The following KCNH8 variants were observed in gnomAD, a reference collection of about 807,000 sequenced individuals.
KCNH8 encodes the protein potassium voltage-gated channel subfamily H member 8.
A neutral mutation model predicts 103.6 loss-of-function variants in KCNH8; 70 were observed. The ratio of observed to expected loss-of-function variants is 0.68; its 90% CI spans 0.56 to 0.82. The LOEUF (loss-of-function observed/expected upper bound fraction) is 0.82, where lower values mean the gene tolerates loss of function less well. KCNH8 is among the 40% of genes least tolerant of loss of function. KCNH8 has a pLI of 0.00. For synonymous variants in KCNH8, 498 were observed against 489.4 expected (o/e 1.02, Z -0.23); for missense variants, 1,217 against 1,329.9 (o/e 0.92, Z 1.32).
Position 19,148,525 on chromosome 3 carries a change from C to T in KCNH8, c.-195C>T, listed in dbSNP as rs1283915823. ...CTCGGGGAGCGCTCTTGGGGCTCCT[C>T]CTGCCACAGCCGGGGCGGCTGGAAC... On this transcript the variant is annotated 5_prime_UTR_variant, in exon 1 of 16. Transcript: ENST00000328405. The T allele has an allele frequency of 2.1e-5, 13 of 606,492 alleles. No homozygotes were observed. The highest frequency in any genetic ancestry group is 3.2e-5 in the Non-Finnish European group (11 of 338,972). 37.6% of individuals were successfully genotyped at this position (606,492 alleles called of 1,614,324 possible). A position where few individuals can be genotyped will look rare whatever the true frequency, so the allele number is the denominator to read the frequency against.
At chr3:19,287,817 C>G (rs1406756061) in intron 3 of KCNH8, among the ~76,000 whole-genome samples, 1 of 152,170 alleles carries the variant, frequency 6.6e-6, no homozygotes, top group Non-Finnish European at 1.5e-5. Context: ...ATCTTGTGAC[C>G]TCGTGATCCA....
intron 3 of KCNH8, among the ~76,000 whole-genome samples, chr3:19,339,842 G>C (rs2065634114): frequency 6.6e-6 from 1 of 151,960 alleles, no homozygotes; most frequent in Non-Finnish European, 1.5e-5. Flanking sequence ...TGAAAGACTT[G>C]GAGTGAAGTC....
At chr3:19,376,731 G>A (rs993735324) in intron 5 of KCNH8, among the ~76,000 whole-genome samples, 8 of 152,144 alleles carry the variant, frequency 5.3e-5, no homozygotes, top group African/African-American at 1.9e-4. Flanking sequence ...AGGAAGCTTT[G>A]AACATTTTTA....
chr3:19,313,893 C>T (rs2065239186), intron 3 of KCNH8, among the ~76,000 whole-genome samples: 2 of 151,664 alleles, frequency 1.3e-5, no homozygotes, highest in Non-Finnish European at 2.9e-5. Flanking sequence ...CAATGCCAGT[C>T]CTTAAATGGT....
chr3:19,347,345 A>ACAAGTATAC (rs1310479157), intron 4 of KCNH8, among the ~76,000 whole-genome samples: 4 of 152,158 alleles, frequency 2.6e-5, no homozygotes, highest in Non-Finnish European at 5.9e-5. Context: ...TCAGAAATCT[A>ACAAGTATAC]CAAGTATACA....
chr3:19,510,939 A>T (rs897625218), intron 12 of KCNH8, among the ~76,000 whole-genome samples: 3 of 152,230 alleles, frequency 2.0e-5, no homozygotes, highest in Non-Finnish European at 4.4e-5. Context: ...CTAATGCATT[A>T]TGAAGACATT....
At chr3:19,266,152 T>C (rs1559450349) in intron 2 of KCNH8, among the ~76,000 whole-genome samples, 1 of 152,056 alleles carries the variant, frequency 6.6e-6, no homozygotes, top group Non-Finnish European at 1.5e-5. Flanking sequence ...CCTTTCAGGA[T>C]AAATAAAAAC....
rs115142666 is a variant in KCNH8, at chr3:19,521,896, C to T, written c.2619+3822C>T. ...GATATTACAATAAACATATAATTGG[C>T]AAAATGATAATAAAAACCAGATGGA... On this transcript the variant is annotated intron_variant, in intron 15 of 15. Coordinates refer to ENST00000328405, the MANE Select transcript of KCNH8 (RefSeq NM_144633.3). Among the ~76,000 whole-genome samples the T allele has an allele frequency of 2.0e-3, 304 of 151,826 alleles. 2 individuals are homozygous for T. The highest frequency in any genetic ancestry group is 6.5e-3 in the African/African-American group (271 of 41,446).
chr3:19,362,098 A>C (rs985872985), intron 5 of KCNH8, among the ~76,000 whole-genome samples: 1 of 152,142 alleles, frequency 6.6e-6, no homozygotes, highest in South Asian at 2.1e-4. Context: ...ATTGTCGATA[A>C]TGTAGGGGAG....
intron 3 of KCNH8, among the ~76,000 whole-genome samples, chr3:19,282,058 A>G (rs927166285): frequency 6.6e-5 from 10 of 152,112 alleles, no homozygotes; most frequent in Admixed American, 2.6e-4. Flanking sequence ...GTGGATTTCT[A>G]TGTAGTAAGT....
rs117986996 is a variant in KCNH8 at position 19,230,095 on chromosome 3, A to T, written c.77-23559A>T. The stretch of plus-strand genomic sequence containing the variant: ...GAAGTTGCAAAAGGGGAAACCCATG[A>T]TAAAACCATCAGAGCTCATGAGACT... On this transcript the variant is annotated intron_variant, in intron 1 of 15. Coordinates refer to ENST00000328405, the MANE Select transcript of KCNH8 (RefSeq NM_144633.3). Among the ~76,000 whole-genome samples, 186 of 152,278 alleles carry T rather than the reference A, an allele frequency of 1.2e-3. 3 individuals carry two copies. The East Asian group carries it at 0.028, about 23-fold the overall frequency.
At chr3:19,439,181 A>G (rs774567558) in intron 8 of KCNH8, among the ~76,000 whole-genome samples, 10 of 152,238 alleles carry the variant, frequency 6.6e-5, no homozygotes, top group African/African-American at 1.2e-4. Flanking sequence ...ACATTAAAAA[A>G]TTAGGAAATT....
At chr3:19,510,757 C>T (rs2068770208) in intron 12 of KCNH8, among the ~76,000 whole-genome samples, 1 of 152,068 alleles carries the variant, frequency 6.6e-6, no homozygotes, top group African/African-American at 2.4e-5. Flanking sequence ...GAGAGATATT[C>T]TGGAACCATG....
rs1441267765 is a variant in KCNH8, at chr3:19,451,357, C to T, written c.1778C>T (p.Ser593Leu). 5.0e-6 allele frequency: 8 copies of T among 1,613,468 alleles called. No individual in the cohort carries two copies. The highest frequency in any genetic ancestry group is 2.2e-5 in the South Asian group (2 of 91,068). The change falls in exon 10 of 16, where the codon TCG (serine) becomes TTG (leucine). Residue 593 changes from serine to leucine, a missense_variant. This residue lies in a region of KCNH8 where 415 missense variants were observed against 577.4 expected (regional missense o/e 0.72). Transcript: ENST00000328405. ...TTGCAGGCCATCTACTTTGTATGCT[C>T]GGGCTCCATGGAAGTTCTTAAAGAC... ...DALQAIYFVC[S>L]GSMEVLKDSM...
chr3:19,517,551 T>C (rs971121785), intron 14 of KCNH8, among the ~76,000 whole-genome samples: 2 of 151,948 alleles, frequency 1.3e-5, no homozygotes, highest in Admixed American at 6.6e-5. Context: ...GCAGTGGATA[T>C]CAGTATCTGA....
intron 3 of KCNH8, among the ~76,000 whole-genome samples, chr3:19,288,877 C>T (rs1369683489): frequency 6.6e-6 from 1 of 152,106 alleles, no homozygotes; most frequent in Non-Finnish European, 1.5e-5. Context: ...TTCTCCACAC[C>T]CTCTCCAGCA....
At chr3:19,413,456 G>C (rs2066813730) in intron 7 of KCNH8, among the ~76,000 whole-genome samples, 1 of 151,946 alleles carries the variant, frequency 6.6e-6, no homozygotes, top group African/African-American at 2.4e-5. Context: ...TGGGTGATGG[G>C]ATTATTCATA....
At chr3:19,190,042 G>A (rs966827069) in intron 1 of KCNH8, among the ~76,000 whole-genome samples, 1 of 151,874 alleles carries the variant, frequency 6.6e-6, no homozygotes, top group African/African-American at 2.4e-5. Context: ...CAGAGATGGC[G>A]TCGTTAAGGG....
intron 2 of KCNH8, among the ~76,000 whole-genome samples, chr3:19,254,527 C>T (rs368929887): frequency 2.0e-5 from 3 of 152,060 alleles, no homozygotes; most frequent in African/African-American, 7.2e-5. Flanking sequence ...TTGTGACTCT[C>T]TTTTGAATCA....
Sources: allele counts gnomAD v4.1 joint callset (sites outside exome capture counted in the v4.1 genomes callset), GRCh38; gene constraint gnomAD v4.1.1; regional missense constraint gnomAD v4.1.1; transcripts MANE v1.5; gene names NCBI Gene and HGNC (gene_info 2026-07-23, HGNC 2026-07-21).